TFG: variants seen among roughly 807,000 people sequenced by gnomAD.
The protein encoded by TFG is trafficking from ER to golgi regulator.
Under a neutral mutation model 51.4 loss-of-function variants are expected in TFG, and 22 were observed. The observed-to-expected ratio is 0.43, with a 90% CI of 0.31 to 0.61. TFG has a LOEUF of 0.61. Among genes scored for constraint, TFG ranks in the 20% least tolerant of loss-of-function variants. TFG has a pLI of 0.12. For synonymous variants in TFG, 187 were observed against 165.6 expected (o/e 1.13, Z -0.99); for missense variants, 419 against 487.7 (o/e 0.86, Z 1.33).
chr3:100,740,528 C>T (rs2095118475), intron 6 of TFG, among the ~76,000 whole-genome samples: 1 of 152,120 alleles, frequency 6.6e-6, no homozygotes, highest in South Asian at 2.1e-4. Flanking sequence ...GTATACAGGT[C>T]AGCCCTATTC....
chr3:100,747,802 T>G (rs1283109885), intron 7 of TFG, among the ~76,000 whole-genome samples: 1 of 152,190 alleles, frequency 6.6e-6, no homozygotes, highest in East Asian at 1.9e-4. Flanking sequence ...GTTAAGTAGG[T>G]CTCCCCTGAA....
Position 100,718,900 on chromosome 3 carries a change from T to C in TFG, c.185-1075T>C, listed in dbSNP as rs764971958. ...TTTGATTTGTGTCCGTTAGATTCTGTTAGTAGAGTGGAGGGATGGCTTAGG... is the reference window on the plus strand; with the variant it reads ...TTTGATTTGTGTCCGTTAGATTCTGCTAGTAGAGTGGAGGGATGGCTTAGG... On this transcript the variant is annotated intron_variant, in intron 2 of 7. Coordinates refer to ENST00000240851, the MANE Select transcript of TFG (RefSeq NM_006070.6). Among the ~76,000 whole-genome samples, 3 of 152,260 alleles carry C rather than the reference T, an allele frequency of 2.0e-5. No individual in the cohort carries two copies. The South Asian group carries it at 6.2e-4, about 32-fold the overall frequency.
Position 100,748,585 on chromosome 3 carries a change from A to AC in TFG, c.*55dup, listed in dbSNP as rs377495804. The AC allele has an allele frequency of 2.0e-4, 302 of 1,500,092 alleles. 1 individual carries two copies. In the African/African-American group the frequency reaches 3.8e-3, roughly 19 times the overall value. The allele number at this position is 1,500,092 out of a possible 1,614,324, so 92.9% of individuals were successfully genotyped here. On this transcript the variant is annotated 3_prime_UTR_variant, in exon 8 of 8. Coordinates refer to ENST00000240851, the MANE Select transcript of TFG (RefSeq NM_006070.6). The stretch of plus-strand genomic sequence containing the variant: ...CTGCTAGCTATTGGCCTCCCAAAAG[A>AC]CTCCAGTACTATTTTAATTTGTATT...
intron 6 of TFG, chr3:100,742,863 CAATT>C (rs1273311062): frequency 7.4e-5 from 11 of 148,882 alleles, no homozygotes; most frequent in African/African-American, 2.7e-4. Context: ...TTTTCAAAAT[CAATT>C]TATAGCAGTT....
In TFG at chr3:100,711,821, T is replaced by C. The variant is rs527672555; in HGVS notation, c.-43-1822T>C. 6.7e-3 allele frequency among the ~76,000 whole-genome samples: 1,014 copies of C among 152,332 alleles called. 10 individuals carry two copies. Among genetic ancestry groups the C allele is most frequent in the African/African-American group, 0.022 (919 of 41,566 alleles). ...GCCAGAGCAAGCAAGATGGAATATTTACCATCTTGGTGAAGTAATTATACT... is the reference window on the plus strand; with the variant it reads ...GCCAGAGCAAGCAAGATGGAATATTCACCATCTTGGTGAAGTAATTATACT... On this transcript the variant is annotated intron_variant, in intron 1 of 7. Coordinates refer to ENST00000240851, the MANE Select transcript of TFG (RefSeq NM_006070.6).
chr3:100,710,510 G>T (rs1190060710), intron 1 of TFG, among the ~76,000 whole-genome samples: 6 of 152,196 alleles, frequency 3.9e-5, no homozygotes. Context: ...GGTTGACTTG[G>T]CTTAGTATTT....
intron 3 of TFG, among the ~76,000 whole-genome samples, chr3:100,725,622 C>CAA (rs763163559): frequency 3.7e-4 from 31 of 83,464 alleles, no homozygotes; most frequent in African/African-American, 7.5e-4. Flanking sequence ...ACCAAAAATA[C>CAA]AAAAAAAAAA....
At chr3:100,742,615 T>TA (rs1441991911) in intron 6 of TFG, 1 of 152,084 alleles carries the variant, frequency 6.6e-6, no homozygotes, top group African/African-American at 2.4e-5. Flanking sequence ...TAACCTAACA[T>TA]ACACATCTTT....
chr3:100,732,479 A>C (rs199791485), intron 4 of TFG, 29 bp from the exon 5 acceptor site: 1 of 1,569,282 alleles, frequency 6.4e-7, no homozygotes, highest in Non-Finnish European at 8.6e-7. Context: ...AAAGGAAACA[A>C]GTTTTTGTTT....
In TFG at chr3:100,736,985, G is replaced by C. The variant is rs114269876; in HGVS notation, c.721+269G>C. The stretch of plus-strand genomic sequence containing the variant: ...AGTCATTAGTCAGTGGTGACCCTTG[G>C]AGGGGAGGATAGTGAAGTTCAGACT... On this transcript the variant is annotated intron_variant, in intron 6 of 7. Coordinates refer to ENST00000240851, the MANE Select transcript of TFG (RefSeq NM_006070.6). Among the ~76,000 whole-genome samples, 4,524 of 152,268 alleles carry C rather than the reference G, an allele frequency of 0.03. 182 individuals carry two copies. The highest frequency in any genetic ancestry group is 0.092 in the African/African-American group (3,814 of 41,532).
chr3:100,728,962 C>G, intron 4 of TFG, 104 bp downstream of exon 4: 1 of 1,001,888 alleles, frequency 1.0e-6, no homozygotes, highest in African/African-American at 1.7e-5. Flanking sequence ...CCCAATGTCA[C>G]TCTTGTTTCT....
chr3:100,717,977 C>A (rs935663331), intron 2 of TFG, among the ~76,000 whole-genome samples: 1 of 151,922 alleles, frequency 6.6e-6, no homozygotes, highest in Non-Finnish European at 1.5e-5. Context: ...CAAGCTGGAG[C>A]GCAGTGGTGT....
chr3:100,747,302 G>T (rs1022643906), intron 7 of TFG: 6 of 151,422 alleles, frequency 4.0e-5, no homozygotes, highest in African/African-American at 1.5e-4. Flanking sequence ...TTGAACCCAG[G>T]TTCAAGGTGA....
chr3:100,713,524 T>G, intron 1 of TFG, 119 bp from the exon 2 acceptor site: 1 of 423,870 alleles, frequency 2.4e-6, no homozygotes, highest in South Asian at 9.7e-5. Context: ...AACATAAATA[T>G]GGTAACATGG....
intron 4 of TFG, among the ~76,000 whole-genome samples, chr3:100,731,591 C>T (rs1018026538): frequency 5.9e-5 from 9 of 152,106 alleles, no homozygotes; most frequent in East Asian, 1.9e-4. Context: ...TACACATTTC[C>T]GCCCCTCCTG....
At chr3:100,710,151 A>G (rs2095026132) in intron 1 of TFG, 1 of 152,242 alleles carries the variant, frequency 6.6e-6, no homozygotes, top group Non-Finnish European at 1.5e-5. Context: ...AGTGGCGCCT[A>G]CGGGAATAAG....
chr3:100,735,649 G>T (rs1415012929), intron 5 of TFG, among the ~76,000 whole-genome samples: 2 of 152,150 alleles, frequency 1.3e-5, no homozygotes, highest in East Asian at 3.9e-4. Context: ...AAAGCAGAAA[G>T]AATTTAAAGG....
At chr3:100,723,321 G>C (rs1012636918) in intron 3 of TFG, among the ~76,000 whole-genome samples, 4 of 151,842 alleles carry the variant, frequency 2.6e-5, no homozygotes, top group Non-Finnish European at 5.9e-5. Context: ...GTCAGGAAAG[G>C]AGAAAAAAAG....
chr3:100,738,713 G>A (rs1447638081), intron 6 of TFG, among the ~76,000 whole-genome samples: 1 of 152,080 alleles, frequency 6.6e-6, no homozygotes, highest in Non-Finnish European at 1.5e-5. Context: ...CATACAGTAT[G>A]AAAATTGTAC....
Sources: gnomAD v4.1 joint callset for allele counts (sites outside exome capture counted in the v4.1 genomes callset) on GRCh38, gnomAD v4.1.1 for gene constraint, MANE v1.5 for transcripts, NCBI Gene and HGNC (gene_info 2026-07-23, HGNC 2026-07-21) for gene names.